CDK14: variants seen among roughly 807,000 people sequenced by gnomAD.
CDK14 encodes cyclin dependent kinase 14.
A neutral mutation model predicts 60.7 loss-of-function variants in CDK14; 34 were observed. The ratio of observed to expected loss-of-function variants is 0.56; its 90% CI spans 0.43 to 0.75. The LOEUF (loss-of-function observed/expected upper bound fraction) is 0.75, where lower values mean the gene tolerates loss of function less well. CDK14 is among the 30% of genes least tolerant of loss of function. The pLI is 0.00. For missense variants in CDK14, 482 were observed against 564.1 expected (o/e 0.85, Z 1.47); for synonymous variants, 197 against 203.7 (o/e 0.97, Z 0.28).
intron 5 of CDK14, among the ~76,000 whole-genome samples, chr7:90,813,223 C>T (rs963072488): frequency 3.9e-5 from 6 of 152,170 alleles, no homozygotes; most frequent in Non-Finnish European, 8.8e-5. Flanking sequence ...AGTGCAGTGG[C>T]ACAATCTCAG....
intron 5 of CDK14, among the ~76,000 whole-genome samples, chr7:90,817,059 C>T (rs762109322): frequency 3.3e-5 from 5 of 152,140 alleles, no homozygotes; most frequent in Admixed American, 6.6e-5. Flanking sequence ...TGCCAAAAAA[C>T]ACGTCATTCA....
chr7:91,099,057 C>T lies in CDK14; in HGVS notation c.1155-13485C>T, dbSNP rs145610892. 4.0e-3 allele frequency among the ~76,000 whole-genome samples: 613 copies of T among 152,156 alleles called. 4 individuals carry two copies. Among genetic ancestry groups the T allele is most frequent in the African/African-American group, 0.014 (587 of 41,518 alleles). On this transcript the variant is annotated intron_variant, in intron 12 of 14. Transcript: ENST00000380050. Reference sequence around the variant, plus strand: ...TATACAAAATTATGCCTTTCAAGAGCTATTTTTAGTGCTACTTATAGTTGA... The same window carrying T: ...TATACAAAATTATGCCTTTCAAGAGTTATTTTTAGTGCTACTTATAGTTGA...
At chr7:91,109,391 A>G (rs1409500966) in intron 12 of CDK14, among the ~76,000 whole-genome samples, 1 of 152,162 alleles carries the variant, frequency 6.6e-6, no homozygotes, top group Non-Finnish European at 1.5e-5. Context: ...GAAAGCTTAA[A>G]CACCTAAATT....
At chr7:90,965,236 C>T (rs1001156929) in intron 9 of CDK14, among the ~76,000 whole-genome samples, 4 of 152,164 alleles carry the variant, frequency 2.6e-5, no homozygotes, top group Non-Finnish European at 5.9e-5. Flanking sequence ...CTAATCTCTT[C>T]CCCACCCTCT....
chr7:90,709,658 T>C (rs1198720833), intron 2 of CDK14: 1 of 1,597,514 alleles, frequency 6.3e-7, no homozygotes, highest in Non-Finnish European at 8.6e-7. Context: ...TTGGAGAAAA[T>C]AATTGAGCTG....
intron 3 of CDK14, among the ~76,000 whole-genome samples, chr7:90,742,500 G>A (rs991573811): frequency 6.6e-6 from 1 of 151,708 alleles, no homozygotes; most frequent in African/African-American, 2.4e-5. Flanking sequence ...CTATTTTAAT[G>A]GTCTTTACAA....
At chr7:91,105,012 A>G (rs144806516) in intron 12 of CDK14, among the ~76,000 whole-genome samples, 1 of 152,268 alleles carries the variant, frequency 6.6e-6, no homozygotes, top group East Asian at 1.9e-4. Context: ...GCCTATAGGG[A>G]AAAAAATATC....
chr7:90,701,827 A>G (rs1395271307), intron 2 of CDK14, among the ~76,000 whole-genome samples: 2 of 152,332 alleles, frequency 1.3e-5, no homozygotes, highest in East Asian at 1.9e-4. Context: ...AGCGGGTGCT[A>G]TCTCCATGTT....
chr7:90,793,482 A>G (rs1420596175), intron 5 of CDK14, among the ~76,000 whole-genome samples: 2 of 152,228 alleles, frequency 1.3e-5, no homozygotes, highest in Admixed American at 6.5e-5. Context: ...GAAAAACAGT[A>G]AAGAGTAGAT....
intron 7 of CDK14, among the ~76,000 whole-genome samples, chr7:90,915,523 T>C (rs1328837971): frequency 6.6e-6 from 1 of 152,220 alleles, no homozygotes; most frequent in Non-Finnish European, 1.5e-5. Flanking sequence ...AAATAATGCC[T>C]GAGCCCCTCA....
chr7:91,198,266 G>T (rs1353784713), intron 14 of CDK14, among the ~76,000 whole-genome samples: 1 of 152,206 alleles, frequency 6.6e-6, no homozygotes, highest in African/African-American at 2.4e-5. Flanking sequence ...TGGTGGGGGG[G>T]AAATAAGGTA....
rs759106408 is a variant in CDK14 at position 90,630,042 on chromosome 7, CAA to C, written c.123+25796_123+25797del. ...CAACAGAACGAGACACTGTCTCAAACAAAACAAAACAAAACAAAACAAAACAA... is the reference window on the plus strand; with the variant it reads ...CAACAGAACGAGACACTGTCTCAAACAACAAAACAAAACAAAACAAAACAA... On this transcript the variant is annotated intron_variant, in intron 2 of 14. Transcript: ENST00000380050. 1.1e-4 allele frequency among the ~76,000 whole-genome samples: 3 copies of C among 27,338 alleles called. No homozygotes were observed. In the Admixed American group the frequency reaches 1.4e-3, roughly 13 times the overall value. The allele number at this position is 27,338 out of a possible 152,430, so 17.9% of individuals were successfully genotyped here. A position where few individuals can be genotyped will look rare whatever the true frequency, so the allele number is the denominator to read the frequency against.
intron 10 of CDK14, among the ~76,000 whole-genome samples, chr7:90,989,809 A>T (rs1306170942): frequency 1.3e-5 from 2 of 152,194 alleles, no homozygotes; most frequent in Non-Finnish European, 2.9e-5. Flanking sequence ...AAACTAAGTG[A>T]TTTCAATATT....
chr7:90,813,267 C>T (rs1020087224), intron 5 of CDK14, among the ~76,000 whole-genome samples: 12 of 152,072 alleles, frequency 7.9e-5, no homozygotes, highest in African/African-American at 1.2e-4. Context: ...TTGCCTGGGA[C>T]GAGCTGGGAG....
chr7:91,064,355 T>C (rs999740284), intron 11 of CDK14, among the ~76,000 whole-genome samples: 2 of 152,198 alleles, frequency 1.3e-5, no homozygotes, highest in African/African-American at 4.8e-5. Flanking sequence ...AGATCTACAC[T>C]GTCTAAGTTC....
At chr7:90,666,112 A>G (rs1272530371) in intron 2 of CDK14, among the ~76,000 whole-genome samples, 1 of 152,082 alleles carries the variant, frequency 6.6e-6, no homozygotes, top group African/African-American at 2.4e-5. Flanking sequence ...TTGCCCAGTA[A>G]TAGGTGGTTA....
At chr7:91,121,300 G>A (rs568321388) in intron 14 of CDK14, among the ~76,000 whole-genome samples, 1 of 152,330 alleles carries the variant, frequency 6.6e-6, no homozygotes, top group African/African-American at 2.4e-5. Flanking sequence ...AGATTGGGAA[G>A]GAGAGGGAGG....
chr7:91,043,346 C>T (rs1225866235), intron 10 of CDK14, among the ~76,000 whole-genome samples: 2 of 152,358 alleles, frequency 1.3e-5, no homozygotes, highest in African/African-American at 4.8e-5. Flanking sequence ...TCTGTTTTCA[C>T]ATGTGACAGA....
chr7:91,091,499 T>TATATA (rs529876993), intron 12 of CDK14, among the ~76,000 whole-genome samples: 2 of 37,106 alleles, frequency 5.4e-5, no homozygotes, highest in East Asian at 3.2e-3. Context: ...AGTTTATATA[T>TATATA]TTTATATATA....
Sources: allele counts gnomAD v4.1 joint callset (sites outside exome capture counted in the v4.1 genomes callset), GRCh38; gene constraint gnomAD v4.1.1; transcripts MANE v1.5; gene names NCBI Gene and HGNC (gene_info 2026-07-23, HGNC 2026-07-21).